Variants in MAN1A1 observed in about 807,000 individuals in gnomAD.
MAN1A1 encodes the protein mannosidase alpha class 1A member 1.
Under a neutral mutation model 70.8 loss-of-function variants are expected in MAN1A1, and 29 were observed. The observed-to-expected ratio is 0.41, with a 90% confidence interval of 0.31 to 0.56. The LOEUF is 0.56. MAN1A1 is among the 20% of genes least tolerant of loss of function. The pLI, the probability that MAN1A1 is intolerant of heterozygous loss-of-function variation, is 0.29. For missense variants in MAN1A1, 747 were observed against 841.3 expected (o/e 0.89, Z 1.39); for synonymous variants, 349 against 330.1 (o/e 1.06, Z -0.62).
chr6:119,326,892 A>G (rs1773160642), intron 2 of MAN1A1, among the ~76,000 whole-genome samples: 1 of 152,164 alleles, frequency 6.6e-6, no homozygotes, highest in Admixed American at 6.5e-5. Flanking sequence ...AGACCACATG[A>G]TTTACCACTG....
At chr6:119,305,504 A>G (rs563449441) in intron 3 of MAN1A1, among the ~76,000 whole-genome samples, 189 of 150,586 alleles carry the variant, frequency 1.3e-3, no homozygotes, top group African/African-American at 4.3e-3. Flanking sequence ...TAAAAACACT[A>G]CTTTAGAAGT....
chr6:119,282,463 C>T (rs1234819313), intron 5 of MAN1A1, among the ~76,000 whole-genome samples: 3 of 152,102 alleles, frequency 2.0e-5, no homozygotes, highest in Non-Finnish European at 4.4e-5. Flanking sequence ...CTCCTATATT[C>T]CTTTTAAAGT....
At chr6:119,314,943 C>G (rs1772810698) in intron 2 of MAN1A1, among the ~76,000 whole-genome samples, 1 of 152,166 alleles carries the variant, frequency 6.6e-6, no homozygotes, top group Non-Finnish European at 1.5e-5. Flanking sequence ...TGGCCTGTCA[C>G]TAGATTTATG....
intron 2 of MAN1A1, among the ~76,000 whole-genome samples, chr6:119,311,921 T>C (rs1772718854): frequency 6.6e-6 from 1 of 152,292 alleles, no homozygotes; most frequent in Admixed American, 6.5e-5. Context: ...GTTCGGGCTA[T>C]TTTTAAAATA....
intron 5 of MAN1A1, among the ~76,000 whole-genome samples, chr6:119,266,187 A>G (rs1775749203): frequency 6.6e-6 from 1 of 152,328 alleles, no homozygotes; most frequent in East Asian, 1.9e-4. Context: ...CCAACTTGGA[A>G]TAATAGATTA....
chr6:119,216,784 G>A (rs998288153), intron 6 of MAN1A1, among the ~76,000 whole-genome samples: 1 of 152,132 alleles, frequency 6.6e-6, no homozygotes, highest in African/African-American at 2.4e-5. Flanking sequence ...AAATGAATCT[G>A]CCACATACTC....
rs141547234 is a variant in MAN1A1, at chr6:119,284,357, C to T, written c.897+6326G>A. Among the ~76,000 whole-genome samples the T allele has an allele frequency of 4.5e-3, 687 of 152,230 alleles. 6 individuals are homozygous for T. The highest frequency in any genetic ancestry group is 7.1e-3 in the Non-Finnish European group (481 of 68,022). Reference sequence around the variant, plus strand: ...ATAAAAACATGCCTAGAAGGGTCTTCCTGCTGAGGGGGCCACTCAAACTCA... The same window carrying T: ...ATAAAAACATGCCTAGAAGGGTCTTTCTGCTGAGGGGGCCACTCAAACTCA... On this transcript the variant is annotated intron_variant, in intron 5 of 12. Transcript: ENST00000368468.
At chr6:119,242,193 T>C (rs982423580) in intron 6 of MAN1A1, among the ~76,000 whole-genome samples, 1 of 152,008 alleles carries the variant, frequency 6.6e-6, no homozygotes, top group Admixed American at 6.6e-5. Context: ...AGCTAGCATG[T>C]AAGACTTAGG....
intron 2 of MAN1A1, among the ~76,000 whole-genome samples, chr6:119,343,706 A>C (rs1177379315): frequency 3.3e-5 from 5 of 152,152 alleles, no homozygotes; most frequent in Admixed American, 3.3e-4. Flanking sequence ...ATTTTCGTCT[A>C]CTTGGCGGGG....
At chr6:119,267,281 C>T (rs886104170) in intron 5 of MAN1A1, among the ~76,000 whole-genome samples, 30 of 152,160 alleles carry the variant, frequency 2.0e-4, no homozygotes, top group Admixed American at 1.9e-3. Context: ...AAAAACTGGA[C>T]AGATGTTTAC....
upstream of MAN1A1, chr6:119,349,806 C>G: frequency 3.1e-6 from 3 of 963,326 alleles, no homozygotes; most frequent in South Asian, 9.6e-5. Context: ...AGGGAGGCGA[C>G]GCGGCCGGAG....
chr6:119,281,115 A>C (rs1176222857), intron 5 of MAN1A1, among the ~76,000 whole-genome samples: 1 of 152,212 alleles, frequency 6.6e-6, no homozygotes, highest in Non-Finnish European at 1.5e-5. Flanking sequence ...GGAGAGGGGA[A>C]ACTTTGTAAA....
At chr6:119,197,827 G>A (rs1773614010) in intron 8 of MAN1A1, among the ~76,000 whole-genome samples, 1 of 151,814 alleles carries the variant, frequency 6.6e-6, no homozygotes. Context: ...CAGGAAATTG[G>A]CCCATAAGGA....
rs375275201 is a variant in MAN1A1 at position 119,216,679 on chromosome 6, T to C, written c.993-11797A>G. Among the ~76,000 whole-genome samples, 3 of 152,272 alleles carry C rather than the reference T, an allele frequency of 2.0e-5. No individual in the cohort carries two copies. In the South Asian group the frequency reaches 6.2e-4, roughly 32 times the overall value. ...ATCAATTTGTTCAATTTGAGGAACA[T>C]TTTTTCTGCAATGGCTTTTCTGAAA... On this transcript the variant is annotated intron_variant, in intron 6 of 12. Transcript: ENST00000368468.
intron 5 of MAN1A1, among the ~76,000 whole-genome samples, chr6:119,260,777 A>AT (rs1390225431): frequency 1.3e-5 from 2 of 152,180 alleles, no homozygotes; most frequent in Non-Finnish European, 2.9e-5. Flanking sequence ...CCCTGCCTTA[A>AT]TAACGATCAT....
rs535537732 is a variant in MAN1A1 at position 119,196,223 on chromosome 6, A to T, written c.1211-2331T>A. On this transcript the variant is annotated intron_variant, in intron 8 of 12. Coordinates refer to ENST00000368468, the MANE Select transcript of MAN1A1 (RefSeq NM_005907.4). ...GTTTGAGCAGCTGGGGATTTTTTTT[A>T]AAAAAGAAAAAAGTGTTATATAAGA... Among the ~76,000 whole-genome samples, 9 of 152,018 alleles carry T rather than the reference A, an allele frequency of 5.9e-5. No individual in the cohort carries two copies. In the East Asian group the frequency reaches 1.2e-3, roughly 20 times the overall value.
At chr6:119,290,244 C>A (rs1191335842) in intron 5 of MAN1A1, among the ~76,000 whole-genome samples, 2 of 151,942 alleles carry the variant, frequency 1.3e-5, no homozygotes, top group Non-Finnish European at 2.9e-5. Context: ...AGTGTCTCAC[C>A]CCCTTAATTA....
At chr6:119,246,851 A>T (rs910586863) in intron 6 of MAN1A1, among the ~76,000 whole-genome samples, 17 of 152,144 alleles carry the variant, frequency 1.1e-4, no homozygotes, top group Non-Finnish European at 2.2e-4. Context: ...GCCCTACAGT[A>T]CATGTATGAT....
In MAN1A1 at chr6:119,250,160, C is replaced by CT. The variant is rs565911445; in HGVS notation, c.898-1807dup. Among the ~76,000 whole-genome samples the CT allele has an allele frequency of 3.3e-5, 5 of 152,324 alleles. No homozygotes were observed. In the South Asian group the frequency reaches 6.2e-4, roughly 19 times the overall value. On this transcript the variant is annotated intron_variant, in intron 5 of 12. Transcript: ENST00000368468. ...CAGAGAAATTTCATGTTGTCTTCTG[C>CT]TACAAGGATTTATCCAATCACTGCC... is the stretch of plus-strand genomic sequence containing the variant.
Sources: allele counts gnomAD v4.1 joint callset (sites outside exome capture counted in the v4.1 genomes callset), GRCh38; gene constraint gnomAD v4.1.1; transcripts MANE v1.5; gene names NCBI Gene and HGNC (gene_info 2026-07-23, HGNC 2026-07-21).